The following POU2AF1 variants were observed in gnomAD, a reference collection of about 807,000 sequenced individuals.
POU2AF1 encodes POU domain class 2-associating factor 1.
POU2AF1 carries 12 observed loss-of-function variants against 26.3 expected under a neutral mutation model. That is an observed-to-expected ratio of 0.46 (90% CI 0.29 to 0.74). POU2AF1 has a LOEUF of 0.74. Among genes scored for constraint, POU2AF1 ranks in the 30% least tolerant of loss-of-function variants. The pLI is 0.09. For missense variants in POU2AF1, 297 were observed against 334.5 expected (o/e 0.89, Z 0.87); for synonymous variants, 175 against 148.0 (o/e 1.18, Z -1.32).
At chr11:111,377,637 G>C (rs1216051563) in intron 1 of POU2AF1, 1 of 168,678 alleles carries the variant, frequency 5.9e-6, no homozygotes, top group Non-Finnish European at 1.3e-5. Flanking sequence ...TGAGAAAAAG[G>C]AAAGTGGCTT....
intron 1 of POU2AF1, among the ~76,000 whole-genome samples, chr11:111,370,181 A>G (rs1371740589): frequency 1.3e-5 from 2 of 152,162 alleles, no homozygotes; most frequent in African/African-American, 4.8e-5. Context: ...GCTGGTCAAG[A>G]GGAGCTTTCT....
At chr11:111,378,648 G>A (rs1591209869) in intron 1 of POU2AF1, among the ~76,000 whole-genome samples, 1 of 149,296 alleles carries the variant, frequency 6.7e-6, no homozygotes, top group Admixed American at 6.7e-5. Flanking sequence ...CACCGAGCCA[G>A]ATCTCCACTC....
chr11:111,363,724 G>T, intron 1 of POU2AF1: 2 of 667,312 alleles, frequency 3.0e-6, no homozygotes, highest in Non-Finnish European at 3.7e-6. Flanking sequence ...TATCAGCAGA[G>T]AAGATAGAAG....
chr11:111,354,744 C>G (rs1324311168), intron 4 of POU2AF1, among the ~76,000 whole-genome samples, 169 bp from the exon 5 acceptor site: 1 of 152,152 alleles, frequency 6.6e-6, no homozygotes, highest in African/African-American at 2.4e-5. Flanking sequence ...AGGGAGGAGC[C>G]AGGCTGACTT....
chr11:111,377,107 G>T (rs1440078676), intron 1 of POU2AF1, among the ~76,000 whole-genome samples: 1 of 151,982 alleles, frequency 6.6e-6, no homozygotes, highest in African/African-American at 2.4e-5. Flanking sequence ...TTGGGGGACA[G>T]GTGCAGTGAC....
chr11:111,377,679 C>A (rs753459586), intron 1 of POU2AF1: 18 of 172,806 alleles, frequency 1.0e-4, no homozygotes, highest in Non-Finnish European at 2.5e-5. Flanking sequence ...AGGCAAAACT[C>A]CTTCCAGGGG....
intron 1 of POU2AF1, among the ~76,000 whole-genome samples, chr11:111,370,611 C>T (rs1432549482): frequency 6.6e-6 from 1 of 152,092 alleles, no homozygotes; most frequent in Non-Finnish European, 1.5e-5. Flanking sequence ...CCAGATAGCC[C>T]CCCAAAACCG....
At chr11:111,363,688 TA>T in intron 1 of POU2AF1, 2 of 498,182 alleles carry the variant, frequency 4.0e-6, no homozygotes, top group Non-Finnish European at 5.2e-6. Flanking sequence ...CCAAAGAAAA[TA>T]AACCAGGAGA....
At chr11:111,362,552 G>A (rs1443818543) in intron 1 of POU2AF1, among the ~76,000 whole-genome samples, 2 of 152,232 alleles carry the variant, frequency 1.3e-5, no homozygotes, top group East Asian at 1.9e-4. Flanking sequence ...ACATACAAGT[G>A]AGAACATGAG....
intron 1 of POU2AF1, chr11:111,377,851 G>A (rs747425304): frequency 6.0e-5 from 11 of 183,630 alleles, no homozygotes; most frequent in Non-Finnish European, 1.0e-4. Context: ...CTGCTCCATC[G>A]CCTGTTGGGA....
intron 1 of POU2AF1, among the ~76,000 whole-genome samples, chr11:111,364,853 C>T (rs1466781305): frequency 6.6e-6 from 1 of 152,188 alleles, no homozygotes; most frequent in Non-Finnish European, 1.5e-5. Flanking sequence ...TGTACCTTTC[C>T]TTATTTGATC....
intron 1 of POU2AF1, chr11:111,363,944 C>T: frequency 1.0e-6 from 1 of 985,378 alleles, no homozygotes; most frequent in Non-Finnish European, 1.2e-6. Context: ...GATTGGAGAT[C>T]TCCTTTTTCG....
intron 1 of POU2AF1, among the ~76,000 whole-genome samples, chr11:111,362,098 A>T (rs1591196047): frequency 1.3e-5 from 2 of 152,200 alleles, no homozygotes; most frequent in Non-Finnish European, 2.9e-5. Flanking sequence ...GTCAGCGAAC[A>T]GGGCACCTGC....
In POU2AF1 at chr11:111,358,675, CAT is replaced by C. The variant is rs1416633071; in HGVS notation, c.147+111_147+112del. 9.8e-5 allele frequency: 125 copies of C among 1,276,600 alleles called. 2 individuals carry two copies. The highest frequency in any genetic ancestry group is 7.5e-4 in the Middle Eastern group (3 of 3,996). The allele number at this position is 1,276,600 out of a possible 1,614,324, so 79.1% of individuals were successfully genotyped here. A position where few individuals can be genotyped will look rare whatever the true frequency, so the allele number is the denominator to read the frequency against. On this transcript the variant is annotated intron_variant, in intron 2 of 4. Transcript: ENST00000393067. ...TCACACACTCTATCACACACAAACA[CAT>C]ACACACACGCATACACATACTCACA...
intron 4 of POU2AF1, 70 bp from the exon 5 acceptor site, chr11:111,354,645 G>C (rs1396767375): frequency 7.5e-7 from 1 of 1,325,302 alleles, no homozygotes; most frequent in African/African-American, 1.5e-5. Context: ...CTTGCCCTTA[G>C]AGGGGTCTCC....
Position 111,358,800 on chromosome 11 carries a change from A to G in POU2AF1, c.135T>C (p.Pro45=). 1 of 1,598,690 alleles carries G rather than the reference A, an allele frequency of 6.3e-7. No individual in the cohort carries two copies. The highest frequency in any genetic ancestry group is 8.5e-7 in the Non-Finnish European group (1 of 1,176,008). The stretch of plus-strand genomic sequence containing the variant: ...CACAAACTCTCACCGCCGTAGGTGC[A>G]GGTGCTGCCCCACTGCTGGCGTGGC... The part of the protein sequence containing the change: ...KRGHASSGAA[P]APTAVVLPHQ... Residue 45 remains proline (P), a synonymous_variant, in exon 2 of 5, where the codon CCT becomes CCC. Coordinates refer to ENST00000393067, the MANE Select transcript of POU2AF1 (RefSeq NM_006235.3).
Position 111,353,265 on chromosome 11 carries a change from T to C in POU2AF1, c.*996A>G, listed in dbSNP as rs575957947. Reference sequence around the variant, plus strand: ...GCAGCAAAACCATCTCTTCAAGCAATGCTTTCCTTTAGTTTATTGTTCTTC... The same window carrying C: ...GCAGCAAAACCATCTCTTCAAGCAACGCTTTCCTTTAGTTTATTGTTCTTC... On this transcript the variant is annotated 3_prime_UTR_variant, in exon 5 of 5. Transcript: ENST00000393067. The C allele has an allele frequency of 1.2e-4, 28 of 233,366 alleles. No homozygotes were observed. Among genetic ancestry groups the C allele is most frequent in the Non-Finnish European group, 2.5e-5 (3 of 118,078 alleles). The allele number at this position is 233,366 out of a possible 1,614,324, so 14.5% of individuals were successfully genotyped here. A position where few individuals can be genotyped will look rare whatever the true frequency, so the allele number is the denominator to read the frequency against.
At chr11:111,374,841 C>T (rs1020598282) in intron 1 of POU2AF1, among the ~76,000 whole-genome samples, 1 of 152,138 alleles carries the variant, frequency 6.6e-6, no homozygotes, top group Non-Finnish European at 1.5e-5. Context: ...GTAAGTTGTG[C>T]TTAAATTTAT....
rs189659398 is a variant in POU2AF1, at chr11:111,370,528, A to G, written c.16+8634T>C. 6.1e-3 allele frequency among the ~76,000 whole-genome samples: 926 copies of G among 152,264 alleles called. 6 individuals are homozygous for G. Among genetic ancestry groups the G allele is most frequent in the Middle Eastern group, 0.017 (5 of 294 alleles). Reference sequence around the variant, plus strand: ...TGTGACCTGAAGAACCCTGGAATATAGTTATGGTGCCTGCAGGTGCCAACA... The same window carrying G: ...TGTGACCTGAAGAACCCTGGAATATGGTTATGGTGCCTGCAGGTGCCAACA... On this transcript the variant is annotated intron_variant, in intron 1 of 4. Transcript: ENST00000393067.
Sources: allele counts gnomAD v4.1 joint callset (sites outside exome capture counted in the v4.1 genomes callset), GRCh38; gene constraint gnomAD v4.1.1; transcripts MANE v1.5; gene names NCBI Gene and HGNC (gene_info 2026-07-23, HGNC 2026-07-21).